Variants in CRACD observed in about 807,000 individuals in gnomAD.
CRACD encodes the protein capping protein-inhibiting regulator of actin dynamics.
CRACD carries 56 observed loss-of-function variants against 106.8 expected under a neutral mutation model. The ratio of observed to expected loss-of-function variants is 0.52; its 90% CI spans 0.42 to 0.66. The LOEUF (loss-of-function observed/expected upper bound fraction) is 0.66, where lower values mean the gene tolerates loss of function less well. Ranked by LOEUF, CRACD falls within the 30% of genes least tolerant of loss-of-function variation. The pLI is 0.00. For missense variants in CRACD, 1,730 were observed against 1,623.2 expected, an observed-to-expected ratio of 1.07 and a Z score of -1.13; for synonymous variants, 754 against 670.8, an observed-to-expected ratio of 1.12 and a Z score of -1.92.
At chr4:56,316,838 A>G in intron 8 of CRACD, 149 bp downstream of exon 8, 1 of 980,706 alleles carries the variant, frequency 1.0e-6, no homozygotes, top group Non-Finnish European at 1.5e-6. Flanking sequence ...GCAGAACAAA[A>G]CCGTGGGGCG....
chr4:56,152,230 G>A (rs1438276196), intron 1 of CRACD, among the ~76,000 whole-genome samples: 1 of 151,688 alleles, frequency 6.6e-6, no homozygotes, highest in East Asian at 2.0e-4. Context: ...TGTTAGCCAG[G>A]ATGGTCTCGA....
At chr4:56,194,580 G>C (rs1420112674) in intron 2 of CRACD, among the ~76,000 whole-genome samples, 1 of 152,144 alleles carries the variant, frequency 6.6e-6, no homozygotes, top group African/African-American at 2.4e-5. Context: ...TAGGCCATGA[G>C]GGCAGAGCCC....
At chr4:56,278,986 A>G (rs1213325766) in intron 3 of CRACD, among the ~76,000 whole-genome samples, 1 of 152,246 alleles carries the variant, frequency 6.6e-6, no homozygotes, top group African/African-American at 2.4e-5. Context: ...AAAAAGATAG[A>G]CAGTAACAAG....
intron 6 of CRACD, chr4:56,311,193 G>A (rs1745136922): frequency 5.9e-6 from 1 of 170,420 alleles, no homozygotes; most frequent in Non-Finnish European, 1.2e-5. Flanking sequence ...TTTAAACCTG[G>A]GACTTTACCT....
At chr4:56,165,329 C>T (rs989590323) in intron 1 of CRACD, among the ~76,000 whole-genome samples, 6 of 152,198 alleles carry the variant, frequency 3.9e-5, no homozygotes, top group African/African-American at 1.4e-4. Context: ...CTGGAGCTCA[C>T]ATCTACAGGA....
In CRACD at chr4:56,327,696, G is replaced by C. The variant is rs1174556676; in HGVS notation, c.3594G>C (p.Lys1198Asn). 1 of 1,614,126 alleles carries C rather than the reference G, an allele frequency of 6.2e-7. No homozygotes were observed. The highest frequency in any genetic ancestry group is 1.7e-5 in the Admixed American group (1 of 60,000). ...PPAPLVKEVTKRFSTPDAAPV... is the reference protein window; with the variant it reads ...PPAPLVKEVTNRFSTPDAAPV... ...CGCCGCTGGTAAAAGAAGTCACCAA[G>C]AGGTTTTCCACCCCGGATGCTGCCC... The change falls in exon 11 of 11, where the codon AAG becomes AAC. Residue 1198 changes from lysine to asparagine, a missense_variant. Physicochemically the swap from Lys to Asn is moderately conservative, Grantham distance 94. Transcript: ENST00000682029.
At chr4:56,233,660 T>C (rs1312695586) in intron 2 of CRACD, among the ~76,000 whole-genome samples, 1 of 152,212 alleles carries the variant, frequency 6.6e-6, no homozygotes, top group African/African-American at 2.4e-5. Flanking sequence ...TGTTCATCTT[T>C]TAAAAACCTG....
At chr4:56,119,505 A>AT (rs3036789) in intron 1 of CRACD, among the ~76,000 whole-genome samples, 22,545 of 147,546 alleles carry the variant, frequency 0.15, 1,724 homozygotes, top group East Asian at 0.25. Flanking sequence ...TAATTTTTGT[A>AT]TTTTTTTTTT....
At chr4:56,123,484 C>T (rs776319292) in intron 1 of CRACD, among the ~76,000 whole-genome samples, 3 of 152,186 alleles carry the variant, frequency 2.0e-5, no homozygotes, top group Non-Finnish European at 4.4e-5. Flanking sequence ...CTCTCTTTGA[C>T]CATGATCTTA....
Position 56,316,071 on chromosome 4 carries a change from CGCTTCAA to C in CRACD, c.2570_2576del (p.Arg857ProfsTer122). ...ATTGAGAAGGACCAACTATTCCTTG[CGCTTCAA>C]CTGCGACCAACAGGCAGAACAGAAG... On this transcript the variant is annotated frameshift_variant, in exon 8 of 11. Transcript: ENST00000682029. LOFTEE classifies it high-confidence loss of function. 6.2e-7 allele frequency: 1 copy of C among 1,614,140 alleles called. No individual in the cohort carries two copies. The highest frequency in any genetic ancestry group is 8.5e-7 in the Non-Finnish European group (1 of 1,180,040).
At chr4:56,112,224 G>T (rs1050995458) in intron 1 of CRACD, among the ~76,000 whole-genome samples, 2 of 152,150 alleles carry the variant, frequency 1.3e-5, no homozygotes, top group Non-Finnish European at 2.9e-5. Flanking sequence ...AGATAGCAGC[G>T]AGAGAAAGTG....
chr4:56,170,640 G>T (rs1352100314), intron 1 of CRACD, among the ~76,000 whole-genome samples: 1 of 152,010 alleles, frequency 6.6e-6, no homozygotes, highest in Non-Finnish European at 1.5e-5. Context: ...CCAGGAGTTT[G>T]AGACTAGCCT....
intron 1 of CRACD, among the ~76,000 whole-genome samples, chr4:56,081,475 G>A (rs1733025519): frequency 6.6e-6 from 1 of 152,142 alleles, no homozygotes; most frequent in African/African-American, 2.4e-5. Flanking sequence ...AATATTTAAA[G>A]CAGCTATGAG....
chr4:56,258,009 G>A (rs1386658326), intron 2 of CRACD, among the ~76,000 whole-genome samples: 4 of 151,356 alleles, frequency 2.6e-5, no homozygotes, highest in African/African-American at 9.7e-5. Context: ...GGCAGAGGTG[G>A]CAGTGAGCCT....
chr4:56,276,294 T>G (rs2109659062), intron 3 of CRACD, among the ~76,000 whole-genome samples: 1 of 152,272 alleles, frequency 6.6e-6, no homozygotes, highest in African/African-American at 2.4e-5. Flanking sequence ...GTAAATAGGT[T>G]TGGGGAATTC....
At chr4:56,051,887 C>A (rs544252353) in intron 1 of CRACD, among the ~76,000 whole-genome samples, 63 of 152,224 alleles carry the variant, frequency 4.1e-4, no homozygotes, top group African/African-American at 1.4e-3. Flanking sequence ...ATCTAAGCCT[C>A]AGTTTCCTCA....
At chr4:56,240,457 C>T (rs1021560218) in intron 2 of CRACD, among the ~76,000 whole-genome samples, 1 of 152,140 alleles carries the variant, frequency 6.6e-6, no homozygotes, top group African/African-American at 2.4e-5. Context: ...CAATTTTAAG[C>T]AGAGCTCAGA....
chr4:56,087,826 A>G (rs1250676948), intron 1 of CRACD, among the ~76,000 whole-genome samples: 2 of 152,106 alleles, frequency 1.3e-5, no homozygotes, highest in Non-Finnish European at 2.9e-5. Context: ...CTGAAGCCAT[A>G]AACATGAACA....
intron 2 of CRACD, among the ~76,000 whole-genome samples, chr4:56,226,613 C>A (rs1461595727): frequency 6.6e-6 from 1 of 152,062 alleles, no homozygotes; most frequent in Non-Finnish European, 1.5e-5. Flanking sequence ...TGATGTTTGT[C>A]CCCCAAACCT....
Sources: allele counts gnomAD v4.1 joint callset (sites outside exome capture counted in the v4.1 genomes callset), GRCh38; gene constraint gnomAD v4.1.1; transcripts MANE v1.5; gene names NCBI Gene and HGNC (gene_info 2026-07-23, HGNC 2026-07-21).